Variants in ACBD6 observed in about 807,000 individuals in gnomAD.
ACBD6 encodes acyl-CoA-binding domain-containing protein 6.
ACBD6 carries 28 observed loss-of-function variants against 37.2 expected under a neutral mutation model. That is an observed-to-expected ratio of 0.75 (90% confidence interval 0.56 to 1.03). The LOEUF (loss-of-function observed/expected upper bound fraction) is 1.03. ACBD6 is among the 50% of genes least tolerant of loss of function. The pLI is 0.00. For synonymous variants in ACBD6, 113 were observed against 126.8 expected (o/e 0.89, Z 0.73); for missense variants, 340 against 337.4 (o/e 1.01, Z -0.06).
intron 6 of ACBD6, among the ~76,000 whole-genome samples, chr1:180,359,002 C>A (rs1310288100): frequency 1.3e-5 from 2 of 152,124 alleles, no homozygotes; most frequent in African/African-American, 4.8e-5. Flanking sequence ...TTTACCTATC[C>A]TTTGCTGAGG....
intron 3 of ACBD6, among the ~76,000 whole-genome samples, chr1:180,472,589 AG>A: frequency 6.6e-6 from 1 of 152,308 alleles, no homozygotes; most frequent in South Asian, 2.1e-4. Context: ...AATCTAAATC[AG>A]TTTTTCAAAA....
At chr1:180,476,934 T>A (rs1018857650) in intron 3 of ACBD6, among the ~76,000 whole-genome samples, 1 of 152,192 alleles carries the variant, frequency 6.6e-6, no homozygotes, top group Non-Finnish European at 1.5e-5. Flanking sequence ...TATCAGATTA[T>A]ATATCTATTA....
chr1:180,472,160 A>G (rs897023433), intron 3 of ACBD6, among the ~76,000 whole-genome samples: 10 of 152,202 alleles, frequency 6.6e-5, no homozygotes, highest in African/African-American at 2.2e-4. Context: ...GGTCAGTCCC[A>G]CTATAGTGTC....
chr1:180,494,973 T>C (rs374905158), intron 2 of ACBD6, among the ~76,000 whole-genome samples: 1 of 152,062 alleles, frequency 6.6e-6, no homozygotes, highest in African/African-American at 2.4e-5. Context: ...TTCCCAAGAG[T>C]ACTATAAGCA....
chr1:180,305,577 G>A (rs1285233632), intron 7 of ACBD6, among the ~76,000 whole-genome samples: 1 of 152,136 alleles, frequency 6.6e-6, no homozygotes. Context: ...AGTTAGAATG[G>A]CAATCATTAA....
chr1:180,339,489 T>C (rs1056220285), intron 6 of ACBD6, among the ~76,000 whole-genome samples: 38 of 151,602 alleles, frequency 2.5e-4, no homozygotes, highest in African/African-American at 9.0e-4. Context: ...AATGAGAATA[T>C]TTGGACACAG....
chr1:180,482,509 TAA>T (rs11377292), intron 3 of ACBD6, among the ~76,000 whole-genome samples: 3 of 140,310 alleles, frequency 2.1e-5, no homozygotes, highest in Non-Finnish European at 1.6e-5. Context: ...TCTAAGAAGT[TAA>T]AAAAAAAAAA....
intron 3 of ACBD6, among the ~76,000 whole-genome samples, chr1:180,462,944 A>G (rs535473266): frequency 6.6e-6 from 1 of 152,334 alleles, no homozygotes; most frequent in African/African-American, 2.4e-5. Flanking sequence ...CCATACAATT[A>G]CATGGAAATT....
chr1:180,314,952 T>A (rs948883653), intron 6 of ACBD6, among the ~76,000 whole-genome samples: 3 of 152,230 alleles, frequency 2.0e-5, no homozygotes, highest in Non-Finnish European at 4.4e-5. Context: ...AGTAACAGGA[T>A]GACCAGTTAC....
chr1:180,356,530 T>C (rs1184906713), intron 6 of ACBD6, among the ~76,000 whole-genome samples: 1 of 151,964 alleles, frequency 6.6e-6, no homozygotes, highest in Non-Finnish European at 1.5e-5. Context: ...TCAGTTCAAA[T>C]ATGATAATAT....
Position 180,294,394 on chromosome 1 carries a change from C to T in ACBD6, c.695-5877G>A, listed in dbSNP as rs778898040. On this transcript the variant is annotated intron_variant, in intron 7 of 7. Coordinates refer to ENST00000367595, the MANE Select transcript of ACBD6 (RefSeq NM_032360.4). ...TCTGTACTAAACTACAAAAATTAGC[C>T]GGGCATGGTGGCGCATTCCTATAAT... Among the ~76,000 whole-genome samples, 15 of 151,850 alleles carry T rather than the reference C, an allele frequency of 9.9e-5. No homozygotes were observed. In the South Asian group the frequency reaches 1.3e-3, roughly 13 times the overall value.
rs557918443 is a variant in ACBD6, at chr1:180,337,632, T to C, written c.664-22910A>G. On this transcript the variant is annotated intron_variant, in intron 6 of 7. Coordinates refer to ENST00000367595, the MANE Select transcript of ACBD6 (RefSeq NM_032360.4). Reference sequence around the variant, plus strand: ...CCTCTCTCACCACTCCTATTCAACATAGTGTTGGAAGTTCTGGCCAGGGCA... The same window carrying C: ...CCTCTCTCACCACTCCTATTCAACACAGTGTTGGAAGTTCTGGCCAGGGCA... 6.7e-3 allele frequency among the ~76,000 whole-genome samples: 1,019 copies of C among 152,200 alleles called. 17 individuals are homozygous for C. The highest frequency in any genetic ancestry group is 0.023 in the African/African-American group (973 of 41,524).
intron 5 of ACBD6, among the ~76,000 whole-genome samples, chr1:180,403,000 CAGCAGTATAAAAGAAGGA>C (rs1647443936): frequency 6.6e-6 from 1 of 152,072 alleles, no homozygotes; most frequent in African/African-American, 2.4e-5. Flanking sequence ...GGAACATATT[CAGCAGTATAAAAGAAGGA>C]AGTACTGAAC....
intron 7 of ACBD6, among the ~76,000 whole-genome samples, chr1:180,292,989 C>T (rs934951570): frequency 1.3e-5 from 2 of 152,140 alleles, no homozygotes; most frequent in Non-Finnish European, 2.9e-5. Context: ...GATAAAATCA[C>T]ATTTTGCTTT....
At chr1:180,459,905 A>G (rs1204651204) in intron 3 of ACBD6, among the ~76,000 whole-genome samples, 2 of 148,406 alleles carry the variant, frequency 1.3e-5, no homozygotes, top group Non-Finnish European at 3.0e-5. Context: ...CGAACCATTT[A>G]GGGATGGAAG....
chr1:180,387,957 C>T (rs180949700), intron 6 of ACBD6, among the ~76,000 whole-genome samples: 1 of 152,124 alleles, frequency 6.6e-6, no homozygotes, highest in African/African-American at 2.4e-5. Context: ...GGGCAGATCA[C>T]AAGGTCAGGA....
intron 3 of ACBD6, among the ~76,000 whole-genome samples, chr1:180,487,149 A>C (rs892903350): frequency 4.6e-5 from 7 of 152,188 alleles, no homozygotes; most frequent in Non-Finnish European, 1.0e-4. Context: ...GGCATTATTA[A>C]GGACATTATC....
At chr1:180,347,969 T>A (rs115754070) in intron 6 of ACBD6, among the ~76,000 whole-genome samples, 3,001 of 151,742 alleles carry the variant, frequency 0.02, 102 homozygotes, top group African/African-American at 0.068. Context: ...AAAAAAGAGA[T>A]TCTAAGCATT....
intron 5 of ACBD6, among the ~76,000 whole-genome samples, chr1:180,407,820 A>G (rs1261225584): frequency 6.6e-6 from 1 of 152,246 alleles, no homozygotes; most frequent in Non-Finnish European, 1.5e-5. Context: ...AAACTATCAC[A>G]TGCATTGTAT....
Sources: gnomAD v4.1 joint callset for allele counts (sites outside exome capture counted in the v4.1 genomes callset) on GRCh38, gnomAD v4.1.1 for gene constraint, MANE v1.5 for transcripts, NCBI Gene and HGNC (gene_info 2026-07-23, HGNC 2026-07-21) for gene names.